The following TUSC3 variants were observed in gnomAD, a reference collection of about 807,000 sequenced individuals.
TUSC3 encodes the protein dolichyl-diphosphooligosaccharide--protein glycosyltransferase subunit TUSC3.
TUSC3 carries 45 observed loss-of-function variants against 44.8 expected under a neutral mutation model. The observed-to-expected ratio is 1.00, with a 90% CI of 0.79 to 1.29. The LOEUF (loss-of-function observed/expected upper bound fraction) is 1.29, where lower values mean the gene tolerates loss of function less well. TUSC3 is among the 50% of genes most tolerant of loss of function. The pLI, the probability that TUSC3 is intolerant of heterozygous loss-of-function variation, is 0.00. For missense variants in TUSC3, 519 were observed against 437.9 expected, an observed-to-expected ratio of 1.19 and a Z score of -1.65; for synonymous variants, 212 against 152.9, an observed-to-expected ratio of 1.39 and a Z score of -2.85.
intron 6 of TUSC3, among the ~76,000 whole-genome samples, chr8:15,719,447 C>T (rs1810205318): frequency 6.6e-6 from 1 of 151,528 alleles, no homozygotes; most frequent in Admixed American, 6.6e-5. Context: ...TTACTTTTTT[C>T]TGCTTTTCCT....
rs1253659426 is a variant in TUSC3, at chr8:15,463,407, G to T, written n.92-19979G>T. Among the ~76,000 whole-genome samples the T allele has an allele frequency of 2.6e-5, 4 of 152,098 alleles. No individual in the cohort carries two copies. In the East Asian group the frequency reaches 7.7e-4, roughly 29 times the overall value. ...AACATAAACATGGGAAAATTATTAT[G>T]TTGTGGTCAAAATTATTTTTAAAAG... On this transcript the variant is annotated intron_variant and non_coding_transcript_variant, in intron 1 of 5. Transcript: ENST00000503191.
In TUSC3 at chr8:15,523,658, ATATATATGTGTGTGTGTGTG is replaced by A. The variant is rs1195734652; in HGVS notation, n.189+40177_189+40196del. On this transcript the variant is annotated intron_variant and non_coding_transcript_variant, in intron 2 of 5. Coordinates refer to the TUSC3 transcript ENST00000503191. Reference sequence around the variant, plus strand: ...TAAAAACATATATATATATATATATATATATATGTGTGTGTGTGTGTGTGTGTGTGTGTGTGTGTGTGTGT... The same window carrying A: ...TAAAAACATATATATATATATATATATGTGTGTGTGTGTGTGTGTGTGTGT... Among the ~76,000 whole-genome samples the A allele has an allele frequency of 3.3e-3, 71 of 21,318 alleles. 4 individuals are homozygous for A. The highest frequency in any genetic ancestry group is 4.4e-3 in the Non-Finnish European group (31 of 6,992). 14.0% of individuals were successfully genotyped at this position (21,318 alleles called of 152,430 possible).
At chr8:15,769,860 C>T (rs563246211), downstream of TUSC3, among the ~76,000 whole-genome samples, 1 of 152,134 alleles carries the variant, frequency 6.6e-6, no homozygotes, top group Non-Finnish European at 1.5e-5. Flanking sequence ...ATTAAAACCA[C>T]AGTGAGATAC....
chr8:15,511,077 G>A (rs1426189623), intron 2 of TUSC3, among the ~76,000 whole-genome samples: 2 of 152,098 alleles, frequency 1.3e-5, no homozygotes, highest in African/African-American at 2.4e-5. Flanking sequence ...TCCTCTACCC[G>A]ATAAAGGACA....
chr8:15,708,471 A>G (rs1809709912), intron 6 of TUSC3, among the ~76,000 whole-genome samples: 1 of 151,980 alleles, frequency 6.6e-6, no homozygotes, highest in Non-Finnish European at 1.5e-5. Flanking sequence ...CAGAAGTAAC[A>G]TATAATGGCT....
intron 6 of TUSC3, among the ~76,000 whole-genome samples, chr8:15,698,941 G>T (rs529344014): frequency 4.6e-5 from 7 of 151,386 alleles, no homozygotes; most frequent in Admixed American, 4.6e-4. Context: ...CAAAATCCTA[G>T]GCTCAAGCCA....
chr8:15,745,375 A>C (rs1811368551), intron 8 of TUSC3, among the ~76,000 whole-genome samples: 1 of 151,934 alleles, frequency 6.6e-6, no homozygotes, highest in Admixed American at 6.6e-5. Context: ...TTTTTTGAGA[A>C]ATCTCGAAAC....
chr8:15,504,600 TATATATATATATATATATA>T (rs1292292608), intron 2 of TUSC3, among the ~76,000 whole-genome samples: 16 of 41,180 alleles, frequency 3.9e-4, no homozygotes, highest in African/African-American at 1.8e-3. Flanking sequence ...TATATATATA[TATATATATATATATATATA>T]TATTTTTTTT....
chr8:15,535,295 C>T (rs1335078073), upstream of TUSC3, among the ~76,000 whole-genome samples: 5 of 152,126 alleles, frequency 3.3e-5, no homozygotes, highest in African/African-American at 7.2e-5. Context: ...TTGGGTTAGT[C>T]GTAAATCTCT....
At chr8:15,516,161 C>A (rs559827605) in intron 2 of TUSC3, among the ~76,000 whole-genome samples, 2 of 152,006 alleles carry the variant, frequency 1.3e-5, no homozygotes, top group African/African-American at 2.4e-5. Context: ...TTTGACTCAC[C>A]CTCATCTATT....
chr8:15,657,067 A>G (rs753491575), intron 3 of TUSC3, among the ~76,000 whole-genome samples: 17 of 152,092 alleles, frequency 1.1e-4, no homozygotes, highest in Admixed American at 2.0e-4. Context: ...TTTTCCCCCA[A>G]AGAGCTCTGA....
intron 6 of TUSC3, among the ~76,000 whole-genome samples, chr8:15,679,068 C>G (rs960942882): frequency 6.6e-6 from 1 of 152,166 alleles, no homozygotes; most frequent in Non-Finnish European, 1.5e-5. Context: ...AGTGAACATA[C>G]AAGTACATGT....
chr8:15,492,381 A>T (rs1800820839), intron 2 of TUSC3, among the ~76,000 whole-genome samples: 1 of 152,200 alleles, frequency 6.6e-6, no homozygotes, highest in African/African-American at 2.4e-5. Flanking sequence ...TTTATTATTT[A>T]AAAAACTTAT....
the TUSC3 span, among the ~76,000 whole-genome samples, chr8:15,799,695 T>C: frequency 6.6e-6 from 1 of 152,170 alleles, no homozygotes; most frequent in Non-Finnish European, 1.5e-5. Flanking sequence ...TCATTCTTTC[T>C]CTTCTAGAAA....
At chr8:15,680,331 G>C (rs1808370027) in intron 6 of TUSC3, among the ~76,000 whole-genome samples, 2 of 151,664 alleles carry the variant, frequency 1.3e-5, no homozygotes, top group Admixed American at 1.3e-4. Context: ...TAGGTAATTT[G>C]TGTGTGTATG....
downstream of TUSC3, among the ~76,000 whole-genome samples, chr8:15,771,312 C>A (rs1216883975): frequency 6.6e-6 from 1 of 152,048 alleles, no homozygotes; most frequent in East Asian, 1.9e-4. Context: ...TATTATAATC[C>A]CGTGGGCTTT....
At chr8:15,654,155 G>T (rs553247306) in intron 3 of TUSC3, among the ~76,000 whole-genome samples, 1 of 152,280 alleles carries the variant, frequency 6.6e-6, no homozygotes, top group South Asian at 2.1e-4. Context: ...AGAACATTAG[G>T]TCTTAGTATG....
chr8:15,425,087 T>C (rs1799787298), intron 1 of TUSC3, among the ~76,000 whole-genome samples: 1 of 152,260 alleles, frequency 6.6e-6, no homozygotes, highest in East Asian at 1.9e-4. Flanking sequence ...GACATCTCTT[T>C]AGGATTGAGT....
At chr8:15,417,866 A>G (rs1457052711) in intron 1 of TUSC3, among the ~76,000 whole-genome samples, 2 of 152,074 alleles carry the variant, frequency 1.3e-5, no homozygotes, top group Non-Finnish European at 2.9e-5. Flanking sequence ...CTCAGTATGG[A>G]GCTGTCTTAA....
Sources: allele counts gnomAD v4.1 joint callset (sites outside exome capture counted in the v4.1 genomes callset), GRCh38; gene constraint gnomAD v4.1.1; transcripts MANE v1.5; gene names NCBI Gene and HGNC (gene_info 2026-07-23, HGNC 2026-07-21).